TCAF1: variants seen among roughly 807,000 people sequenced by gnomAD.
TCAF1 encodes TRPM8 channel-associated factor 1.
In TCAF1, 4 loss-of-function variants were observed where a neutral mutation model predicts 27.3. That is an observed-to-expected ratio of 0.15 (90% CI 0.07 to 0.34). TCAF1 has a LOEUF of 0.34. TCAF1 is among the 10% of genes least tolerant of loss of function. The probability of loss-of-function intolerance (pLI) is 1.00; values close to 1 mark genes in which losing one functional copy is unlikely to be tolerated. For synonymous variants in TCAF1, 105 were observed against 167.1 expected (o/e 0.63, Z 2.87); for missense variants, 257 against 425.8 (o/e 0.60, Z 3.49).
intron 1 of TCAF1, among the ~76,000 whole-genome samples, chr7:143,886,700 C>CTTTTTTTTTTTTTTTT (rs11398264): frequency 2.2e-5 from 2 of 89,162 alleles, no homozygotes. Context: ...CAAATTTTAC[C>CTTTTTTTTTTTTTTTT]TTTTTTTTTT....
Position 143,890,599 on chromosome 7 carries a change from T to A in TCAF1, c.-15+11362A>T, listed in dbSNP as rs1051272063. On this transcript the variant is annotated intron_variant, in intron 1 of 8. Coordinates refer to ENST00000479870, the MANE Select transcript of TCAF1 (RefSeq NM_014719.3). ...CAACATAAACAGGACAAAAGGACTATAATCCTTGATGAACAGAAAACACAG... is the reference window on the plus strand; with the variant it reads ...CAACATAAACAGGACAAAAGGACTAAAATCCTTGATGAACAGAAAACACAG... Among the ~76,000 whole-genome samples the A allele has an allele frequency of 3.3e-5, 5 of 152,220 alleles. No homozygotes were observed. The East Asian group carries it at 9.6e-4, about 29-fold the overall frequency.
chr7:143,874,809 CTTGTAA>C (rs1812599628), intron 2 of TCAF1, among the ~76,000 whole-genome samples: 1 of 152,148 alleles, frequency 6.6e-6, no homozygotes, highest in Non-Finnish European at 1.5e-5. Context: ...GTTTCCAAGT[CTTGTAA>C]TTGGAGATGT....
chr7:143,875,722 G>C (rs1264112450), intron 2 of TCAF1, among the ~76,000 whole-genome samples: 1 of 152,158 alleles, frequency 6.6e-6, no homozygotes, highest in Non-Finnish European at 1.5e-5. Context: ...CAACAGCACA[G>C]TTTTGATTAA....
intron 7 of TCAF1, 92 bp from the exon 8 acceptor site, chr7:143,857,442 C>T (rs1811581268): frequency 6.8e-7 from 1 of 1,461,854 alleles, no homozygotes. Flanking sequence ...TATATGTAAC[C>T]CCTTACCCAT....
chr7:143,884,314 G>A (rs368534463), intron 1 of TCAF1, among the ~76,000 whole-genome samples: 5 of 152,062 alleles, frequency 3.3e-5, no homozygotes, highest in African/African-American at 1.2e-4. Context: ...TTAGGAACAA[G>A]TCAGAAGGCC....
chr7:143,891,723 TTATC>T (rs1160501280), intron 1 of TCAF1, among the ~76,000 whole-genome samples: 1 of 152,060 alleles, frequency 6.6e-6, no homozygotes, highest in African/African-American at 2.4e-5. Context: ...AAGCAAAATG[TTATC>T]AATTAATGAT....
intron 1 of TCAF1, among the ~76,000 whole-genome samples, chr7:143,888,056 T>C (rs1813493899): frequency 6.6e-6 from 1 of 152,232 alleles, no homozygotes; most frequent in Non-Finnish European, 1.5e-5. Context: ...TATCAAGCTG[T>C]ACATTTATGA....
chr7:143,882,637 C>G, intron 1 of TCAF1: 4 of 975,490 alleles, frequency 4.1e-6, no homozygotes, highest in Non-Finnish European at 4.9e-6. Context: ...ACCCCCGCCC[C>G]GGCCTCCCGC....
rs1380615509 is a variant in TCAF1 at position 143,852,584 on chromosome 7, C to A, written c.*1549G>T. On this transcript the variant is annotated 3_prime_UTR_variant, in exon 9 of 9. Transcript: ENST00000479870. ...TGACAGTCTGCCTTACTATGAAATT[C>A]TAGGTACAAAAATTTTCCTTAAGCT... The A allele has an allele frequency of 3.3e-5, 5 of 152,564 alleles. No individual in the cohort carries two copies. The highest frequency in any genetic ancestry group is 1.2e-4 in the African/African-American group (5 of 41,490). 9.5% of individuals were successfully genotyped at this position (152,564 alleles called of 1,614,324 possible). A position where few individuals can be genotyped will look rare whatever the true frequency, so the allele number is the denominator to read the frequency against.
chr7:143,887,994 C>T (rs1022707331), intron 1 of TCAF1, among the ~76,000 whole-genome samples: 9 of 152,134 alleles, frequency 5.9e-5, no homozygotes, highest in African/African-American at 9.7e-5. Flanking sequence ...TGGTAATGTT[C>T]TCTTAATTAA....
chr7:143,885,642 G>C, intron 1 of TCAF1: 1 of 805,930 alleles, frequency 1.2e-6, no homozygotes, highest in Non-Finnish European at 1.5e-6. Context: ...TCCAAGGATG[G>C]GTTAAATCTA....
rs775267886 is a variant in TCAF1, at chr7:143,876,249, G to C, written c.360C>G (p.Asp120Glu). 6.2e-7 allele frequency: 1 copy of C among 1,614,216 alleles called. No individual in the cohort carries two copies. Among genetic ancestry groups the C allele is most frequent in the East Asian group, 2.2e-5 (1 of 44,880 alleles). ...CATCAATACAGTAAACCCCCAGGGAGTCTTTCACTTCTGGCTCAACCTTTG... is the reference window on the plus strand; with the variant it reads ...CATCAATACAGTAAACCCCCAGGGACTCTTTCACTTCTGGCTCAACCTTTG... ...VDAKVEPEVK[D>E]SLGVYCIDAY... Residue 120 changes from aspartate (D) to glutamate (E), a missense_variant, in exon 2 of 9, where the codon GAC becomes GAG. Physicochemically the swap from Asp to Glu is conservative, Grantham distance 45. This residue lies in a region of TCAF1 where 255 missense variants were observed against 260.1 expected (regional missense o/e 0.98). Transcript: ENST00000479870.
intron 1 of TCAF1, among the ~76,000 whole-genome samples, chr7:143,899,958 CAA>C (rs58603549): frequency 6.6e-6 from 1 of 152,076 alleles, no homozygotes; most frequent in African/African-American, 2.4e-5. Flanking sequence ...GCCAGACTGA[CAA>C]AAAATGTAAT....
chr7:143,876,020 T>G lies in TCAF1; in HGVS notation c.589A>C (p.Lys197Gln), dbSNP rs1025740894. The G allele has an allele frequency of 1.9e-6, 3 of 1,570,262 alleles. No homozygotes were observed. In the African/African-American group the frequency reaches 4.1e-5, roughly 21 times the overall value. ...KGDTSFFKVS[K>Q]KMPKIPVLVS... is the part of the protein sequence containing the mutation. Reference sequence around the variant, plus strand: ...AACACTGGGATCTTGGGCATCTTCTTGGAGACTTTAAAGAAACTCGTGTCC... The same window carrying G: ...AACACTGGGATCTTGGGCATCTTCTGGGAGACTTTAAAGAAACTCGTGTCC... The change falls in exon 2 of 9, where the codon AAG becomes CAG. Residue 197 changes from lysine to glutamine, a missense_variant. This residue lies in a region of TCAF1 where 255 missense variants were observed against 260.1 expected (regional missense o/e 0.98). Transcript: ENST00000479870.
chr7:143,888,943 A>C (rs1382518954), intron 1 of TCAF1, among the ~76,000 whole-genome samples: 1 of 152,166 alleles, frequency 6.6e-6, no homozygotes, highest in Non-Finnish European at 1.5e-5. Context: ...AGAAACTAGA[A>C]ACTTGAACAG....
At chr7:143,893,032 GAA>G (rs1324010969) in intron 1 of TCAF1, among the ~76,000 whole-genome samples, 1 of 151,982 alleles carries the variant, frequency 6.6e-6, no homozygotes, top group Non-Finnish European at 1.5e-5. Context: ...AATCCAATTA[GAA>G]AAAGAGTTCA....
Position 143,852,117 on chromosome 7 carries a change from C to T in TCAF1, c.*2016G>A, listed in dbSNP as rs1811328495. 1 of 151,126 alleles carries T rather than the reference C, an allele frequency of 6.6e-6. No individual in the cohort carries two copies. Among genetic ancestry groups the T allele is most frequent in the Non-Finnish European group, 1.5e-5 (1 of 67,758 alleles). 9.4% of individuals were successfully genotyped at this position (151,126 alleles called of 1,614,324 possible). The stretch of plus-strand genomic sequence containing the variant: ...AAAAGGAAATGTACCTATCAAGCCT[C>T]TTCTTATTCTTCATGAATAACTCAA... On this transcript the variant is annotated 3_prime_UTR_variant, in exon 9 of 9. Coordinates refer to ENST00000479870, the MANE Select transcript of TCAF1 (RefSeq NM_014719.3).
At position 143,892,296 on chromosome 7, in the gene TCAF1, A is replaced by C. The variant is rs970855594; in HGVS notation, c.-15+9665T>G. Among the ~76,000 whole-genome samples the C allele has an allele frequency of 1.8e-4, 28 of 152,270 alleles. No homozygotes were observed. The East Asian group carries it at 5.4e-3, about 29-fold the overall frequency. Reference sequence around the variant, plus strand: ...GCTGCAAGATGGAGATAAACTTAAAATTTTGCATTGAGAATACATAGAAGT... The same window carrying C: ...GCTGCAAGATGGAGATAAACTTAAACTTTTGCATTGAGAATACATAGAAGT... On this transcript the variant is annotated intron_variant, in intron 1 of 8. Coordinates refer to ENST00000479870, the MANE Select transcript of TCAF1 (RefSeq NM_014719.3).
At chr7:143,889,674 G>C (rs1044673834) in intron 1 of TCAF1, among the ~76,000 whole-genome samples, 4 of 152,184 alleles carry the variant, frequency 2.6e-5, no homozygotes, top group Non-Finnish European at 5.9e-5. Flanking sequence ...TGGGTCAAAA[G>C]CAAAGGCCAT....
Sources: allele counts gnomAD v4.1 joint callset (sites outside exome capture counted in the v4.1 genomes callset), GRCh38; gene constraint gnomAD v4.1.1; regional missense constraint gnomAD v4.1.1; transcripts MANE v1.5; gene names NCBI Gene and HGNC (gene_info 2026-07-23, HGNC 2026-07-21).